Variants in ADAMTSL3 observed in about 807,000 individuals in gnomAD.
ADAMTSL3 encodes the protein ADAMTS-like protein 3.
A neutral mutation model predicts 201.7 loss-of-function variants in ADAMTSL3; 128 were observed. The ratio of observed to expected loss-of-function variants is 0.63; its 90% CI spans 0.55 to 0.73. The LOEUF is 0.73. ADAMTSL3 is among the 30% of genes least tolerant of loss of function. The pLI, the probability that ADAMTSL3 is intolerant of heterozygous loss-of-function variation, is 0.00. For synonymous variants in ADAMTSL3, 738 were observed against 748.4 expected, an observed-to-expected ratio of 0.99 and a Z score of 0.23; for missense variants, 1,990 against 2,119.6, an observed-to-expected ratio of 0.94 and a Z score of 1.20.
intron 17 of ADAMTSL3, among the ~76,000 whole-genome samples, chr15:83,940,768 T>G (rs1300577785): frequency 6.6e-6 from 1 of 152,170 alleles, no homozygotes; most frequent in Non-Finnish European, 1.5e-5. Context: ...TTATATATAT[T>G]TGTCAGCTTT....
Position 83,780,408 on chromosome 15 carries a change from T to TAA in ADAMTSL3, c.317+6772_317+6773dup, listed in dbSNP as rs758187158. Among the ~76,000 whole-genome samples, 86 of 125,586 alleles carry TAA rather than the reference T, an allele frequency of 6.8e-4. 1 individual carries two copies. The highest frequency in any genetic ancestry group is 1.7e-3 in the East Asian group (7 of 4,144). The allele number at this position is 125,586 out of a possible 152,430, so 82.4% of individuals were successfully genotyped here. ...CTGGGCGACAAGAGTGAAACTCCAT[T>TAA]AAAAAAAAAAAAAAACAAACTTCTC... On this transcript the variant is annotated intron_variant, in intron 4 of 29. Coordinates refer to ENST00000286744, the MANE Select transcript of ADAMTSL3 (RefSeq NM_207517.3).
intron 2 of ADAMTSL3, among the ~76,000 whole-genome samples, chr15:83,672,409 G>T (rs925822636): frequency 6.6e-6 from 1 of 152,208 alleles, no homozygotes; most frequent in African/African-American, 2.4e-5. Flanking sequence ...CTTTTGCTAA[G>T]GTGAAGGCAG....
intron 4 of ADAMTSL3, among the ~76,000 whole-genome samples, chr15:83,784,150 A>G (rs1045485653): frequency 8.6e-5 from 13 of 152,042 alleles, no homozygotes; most frequent in Admixed American, 5.9e-4. Context: ...GAGTGTCTGC[A>G]TTTTATTTCA....
At chr15:83,946,784 G>C (rs1340520795) in intron 19 of ADAMTSL3, among the ~76,000 whole-genome samples, 1 of 152,160 alleles carries the variant, frequency 6.6e-6, no homozygotes, top group Non-Finnish European at 1.5e-5. Context: ...GTTTGGACTG[G>C]AGGCTGTTTA....
At position 83,825,687 on chromosome 15, in the gene ADAMTSL3, A is replaced by T. The variant is rs146314301; in HGVS notation, c.600+5640A>T. ...CAAGGAGCGCTCTCTGGATAAGGTG[A>T]TGTTTGGACACTGAGGTTTTGAAAA... On this transcript the variant is annotated intron_variant, in intron 6 of 29. Transcript: ENST00000286744. 4.6e-3 allele frequency among the ~76,000 whole-genome samples: 698 copies of T among 152,178 alleles called. 4 individuals are homozygous for T. The highest frequency in any genetic ancestry group is 0.016 in the African/African-American group (654 of 41,540).
chr15:83,831,547 T>G (rs1489318219), intron 6 of ADAMTSL3, among the ~76,000 whole-genome samples: 1 of 152,174 alleles, frequency 6.6e-6, no homozygotes, highest in African/African-American at 2.4e-5. Context: ...ATTTATTAAC[T>G]TTTGAGACAA....
At chr15:84,010,706 A>G (rs753619168) in intron 23 of ADAMTSL3, among the ~76,000 whole-genome samples, 23 of 152,228 alleles carry the variant, frequency 1.5e-4, no homozygotes, top group Non-Finnish European at 2.9e-4. Flanking sequence ...AGGGACCCCA[A>G]GAGAAAATTT....
chr15:83,769,745 T>G (rs1567132796), intron 3 of ADAMTSL3, among the ~76,000 whole-genome samples: 1 of 152,132 alleles, frequency 6.6e-6, no homozygotes, highest in Non-Finnish European at 1.5e-5. Flanking sequence ...ATTTCACTTT[T>G]GAAGGTCCTT....
intron 10 of ADAMTSL3, among the ~76,000 whole-genome samples, chr15:83,887,868 G>A (rs556565486): frequency 6.6e-6 from 1 of 152,260 alleles, no homozygotes; most frequent in Non-Finnish European, 1.5e-5. Flanking sequence ...TGGGAGTGCA[G>A]GCGTGTGCCA....
At chr15:83,948,843 TAAC>T (rs949280399) in intron 19 of ADAMTSL3, among the ~76,000 whole-genome samples, 6 of 152,162 alleles carry the variant, frequency 3.9e-5, no homozygotes, top group East Asian at 1.9e-4. Flanking sequence ...ACTAGGCAGA[TAAC>T]AATTCTTTTT....
intron 7 of ADAMTSL3, among the ~76,000 whole-genome samples, chr15:83,855,292 A>G (rs1424884138): frequency 3.3e-5 from 5 of 152,184 alleles, no homozygotes; most frequent in African/African-American, 9.7e-5. Context: ...CCACCTGTGG[A>G]CATCTCATTC....
At chr15:84,021,333 G>A in intron 25 of ADAMTSL3, 77 bp from the exon 26 acceptor site, 1 of 1,522,568 alleles carries the variant, frequency 6.6e-7, no homozygotes, top group South Asian at 1.2e-5. Flanking sequence ...TCTCATGGTG[G>A]TTTTTGGCCA....
intron 23 of ADAMTSL3, among the ~76,000 whole-genome samples, chr15:84,002,194 G>T (rs1486345760): frequency 1.3e-5 from 2 of 152,098 alleles, no homozygotes. Context: ...AAGTTAGCTG[G>T]ATATGCAATA....
At position 83,983,163 on chromosome 15, in the gene ADAMTSL3, C is replaced by G. The variant is rs373726735; in HGVS notation, c.3535C>G (p.Leu1179Val). ...GACATTCAAGCCGAAAGGACCTGTT[C>G]TCATGAGGCAAAGCCAACCTCCCTC... ...KLTFKPKGPV[L>V]MRQSQPPSIS... Residue 1179 changes from leucine to valine, a missense_variant, in exon 21 of 30, where the codon CTC becomes GTC. Transcript: ENST00000286744. 9.9e-6 allele frequency: 16 copies of G among 1,613,676 alleles called. No homozygotes were observed. The African/African-American group carries it at 1.6e-4, about 16-fold the overall frequency.
chr15:83,691,860 C>T (rs113642962), intron 2 of ADAMTSL3, among the ~76,000 whole-genome samples: 3 of 152,072 alleles, frequency 2.0e-5, no homozygotes, highest in Non-Finnish European at 4.4e-5. Flanking sequence ...GTGATCTGCC[C>T]GCTTTGGCCT....
chr15:83,959,656 C>T (rs989170442), intron 19 of ADAMTSL3, among the ~76,000 whole-genome samples: 1 of 152,188 alleles, frequency 6.6e-6, no homozygotes, highest in African/African-American at 2.4e-5. Flanking sequence ...TTTGAAGATG[C>T]AAGAACTCAA....
At chr15:83,731,405 A>G (rs1257303630) in intron 3 of ADAMTSL3, among the ~76,000 whole-genome samples, 4 of 152,154 alleles carry the variant, frequency 2.6e-5, no homozygotes, top group Admixed American at 2.6e-4. Flanking sequence ...GACAAGAGAT[A>G]ATAAGTGTTG....
intron 11 of ADAMTSL3, chr15:83,890,791 C>T (rs746027696): frequency 6.5e-6 from 1 of 154,380 alleles, no homozygotes; most frequent in East Asian, 1.9e-4. Context: ...AGAACAATAT[C>T]AAGTCCCAGA....
intron 3 of ADAMTSL3, among the ~76,000 whole-genome samples, chr15:83,758,169 A>G (rs955166197): frequency 2.6e-5 from 4 of 152,148 alleles, no homozygotes; most frequent in Non-Finnish European, 5.9e-5. Context: ...TTACTGTATT[A>G]GTCCGTTTTC....
Sources: allele counts gnomAD v4.1 joint callset (sites outside exome capture counted in the v4.1 genomes callset), GRCh38; gene constraint gnomAD v4.1.1; transcripts MANE v1.5; gene names NCBI Gene and HGNC (gene_info 2026-07-23, HGNC 2026-07-21).